Variants in RALGPS1 observed in about 807,000 individuals in gnomAD.
RALGPS1 encodes Ral GEF with PH domain and SH3 binding motif 1.
A neutral mutation model predicts 78.8 loss-of-function variants in RALGPS1; 19 were observed. The observed-to-expected ratio is 0.24, with a 90% CI of 0.17 to 0.35. RALGPS1 has a LOEUF of 0.35. Ranked by LOEUF, RALGPS1 falls within the 10% of genes least tolerant of loss-of-function variation. The probability of loss-of-function intolerance (pLI) is 1.00; values close to 1 mark genes in which losing one functional copy is unlikely to be tolerated. For synonymous variants in RALGPS1, 228 were observed against 256.3 expected (o/e 0.89, Z 1.06); for missense variants, 454 against 688.3 (o/e 0.66, Z 3.81).
At chr9:127,023,358 G>T (rs150583079) in intron 4 of RALGPS1, among the ~76,000 whole-genome samples, 2 of 152,332 alleles carry the variant, frequency 1.3e-5, no homozygotes, top group African/African-American at 4.8e-5. Context: ...AACCTTTCCA[G>T]CACAGTCCTG....
chr9:127,189,412 C>T (rs2060896803), intron 11 of RALGPS1, among the ~76,000 whole-genome samples: 1 of 152,170 alleles, frequency 6.6e-6, no homozygotes, highest in Non-Finnish European at 1.5e-5. Context: ...AGGTGCTGGG[C>T]AGGTGATCCC....
At chr9:127,168,923 A>G in intron 10 of RALGPS1, 151 bp downstream of exon 10, 1 of 634,290 alleles carries the variant, frequency 1.6e-6, no homozygotes, top group Non-Finnish European at 2.8e-6. Context: ...CCCAGGCCCC[A>G]GCACACACAA....
At chr9:127,104,817 A>G (rs187561046) in intron 8 of RALGPS1, among the ~76,000 whole-genome samples, 1 of 152,352 alleles carries the variant, frequency 6.6e-6, no homozygotes, top group East Asian at 1.9e-4. Flanking sequence ...GCTCGGATGC[A>G]AAGGTGTTTA....
At chr9:127,015,194 C>T (rs2044705278) in intron 4 of RALGPS1, among the ~76,000 whole-genome samples, 1 of 152,180 alleles carries the variant, frequency 6.6e-6, no homozygotes, top group Non-Finnish European at 1.5e-5. Flanking sequence ...AGGCTGACAG[C>T]ACTGTGGTTA....
intron 7 of RALGPS1, among the ~76,000 whole-genome samples, chr9:127,061,917 C>T (rs952192969): frequency 2.6e-5 from 4 of 152,122 alleles, no homozygotes; most frequent in African/African-American, 4.8e-5. Flanking sequence ...TCCCAGCTCT[C>T]TACTCTTGGG....
At chr9:127,168,465 G>C (rs2059401086) in intron 9 of RALGPS1, among the ~76,000 whole-genome samples, 1 of 152,158 alleles carries the variant, frequency 6.6e-6, no homozygotes, top group African/African-American at 2.4e-5. Flanking sequence ...CGGTCATCTG[G>C]GGGGTACTCC....
chr9:127,031,760 T>C (rs1218649410), intron 4 of RALGPS1, among the ~76,000 whole-genome samples: 1 of 152,276 alleles, frequency 6.6e-6, no homozygotes, highest in Non-Finnish European at 1.5e-5. Flanking sequence ...TGTTTTACTC[T>C]GCTGATGTGT....
chr9:127,048,753 C>T (rs907845411), intron 5 of RALGPS1, among the ~76,000 whole-genome samples: 2 of 152,058 alleles, frequency 1.3e-5, no homozygotes, highest in African/African-American at 2.4e-5. Context: ...TATGGGCATC[C>T]CATTTGGTAT....
intron 8 of RALGPS1, among the ~76,000 whole-genome samples, chr9:127,104,010 G>A (rs2053988183): frequency 6.6e-6 from 1 of 152,152 alleles, no homozygotes; most frequent in South Asian, 2.1e-4. Flanking sequence ...ATCCTGCAAG[G>A]TACAAGTCCC....
intron 8 of RALGPS1, among the ~76,000 whole-genome samples, chr9:127,081,260 C>G (rs190795949): frequency 2.6e-5 from 4 of 152,296 alleles, no homozygotes; most frequent in Admixed American, 2.0e-4. Context: ...TCTCTGCCCA[C>G]CAATTCTCTT....
chr9:127,153,596 G>T (rs1014453089), intron 8 of RALGPS1, among the ~76,000 whole-genome samples: 2 of 152,026 alleles, frequency 1.3e-5, no homozygotes, highest in Non-Finnish European at 2.9e-5. Context: ...GCACATCACT[G>T]AGTGAGCTGG....
chr9:127,005,306 A>G (rs774460437), intron 4 of RALGPS1, among the ~76,000 whole-genome samples: 5 of 152,270 alleles, frequency 3.3e-5, no homozygotes, highest in Non-Finnish European at 7.3e-5. Flanking sequence ...TTCAGTCTTC[A>G]GAATGGCAAA....
intron 5 of RALGPS1, among the ~76,000 whole-genome samples, chr9:127,049,657 C>T (rs904627984): frequency 1.3e-5 from 2 of 152,142 alleles, no homozygotes; most frequent in Admixed American, 6.5e-5. Flanking sequence ...TCCATCTGTC[C>T]CTCCATCCAC....
intron 7 of RALGPS1, among the ~76,000 whole-genome samples, chr9:127,066,550 A>T (rs2049724065): frequency 6.6e-6 from 1 of 152,220 alleles, no homozygotes; most frequent in Non-Finnish European, 1.5e-5. Flanking sequence ...CTGAGACACG[A>T]TAATTGCTTG....
intron 2 of RALGPS1, among the ~76,000 whole-genome samples, chr9:126,962,842 A>G (rs1190684643): frequency 6.6e-6 from 1 of 152,224 alleles, no homozygotes; most frequent in Admixed American, 6.5e-5. Flanking sequence ...GCACAGAAGC[A>G]TGCAGGAGGA....
At chr9:127,020,719 C>G (rs1208934111) in intron 4 of RALGPS1, among the ~76,000 whole-genome samples, 1 of 152,180 alleles carries the variant, frequency 6.6e-6, no homozygotes, top group East Asian at 1.9e-4. Flanking sequence ...CATGTGTGTG[C>G]CCCTGCACCT....
In RALGPS1 at chr9:127,212,119, GTC is replaced by G; in HGVS notation, c.1248-7_1248-6del. 6.2e-7 allele frequency: 1 copy of G among 1,604,128 alleles called. No homozygotes were observed. Among genetic ancestry groups the G allele is most frequent in the Non-Finnish European group, 8.5e-7 (1 of 1,175,222 alleles). Reference sequence around the variant, plus strand: ...CCTCCAGGGCGATGTCTGACTGGTAGTCTCTCCTCAGCCCCACCGGCCCGTGC... The same window carrying G: ...CCTCCAGGGCGATGTCTGACTGGTAGTCTCCTCAGCCCCACCGGCCCGTGC... On this transcript the variant is annotated splice_polypyrimidine_tract_variant and intron_variant, in intron 14 of 18. Coordinates refer to ENST00000259351, the MANE Select transcript of RALGPS1 (RefSeq NM_014636.3). This position sits in a 1 kb window ranked among gnomAD's most constrained non-coding sequence, Gnocchi z 6.0.
At chr9:127,029,476 T>C (rs552101418) in intron 4 of RALGPS1, among the ~76,000 whole-genome samples, 1 of 150,414 alleles carries the variant, frequency 6.6e-6, no homozygotes, top group East Asian at 2.0e-4. Context: ...ATGGGAAGAG[T>C]GGGAGAAACA....
chr9:127,008,020 AGGAATGT>A (rs2044002262), intron 4 of RALGPS1, among the ~76,000 whole-genome samples: 1 of 152,024 alleles, frequency 6.6e-6, no homozygotes, highest in Non-Finnish European at 1.5e-5. Context: ...ACATAGATGC[AGGAATGT>A]CTAGGTGCTG....
Sources: allele counts gnomAD v4.1 joint callset (sites outside exome capture counted in the v4.1 genomes callset), GRCh38; gene constraint gnomAD v4.1.1; non-coding constraint Gnocchi (gnomAD v3.1); transcripts MANE v1.5; gene names NCBI Gene and HGNC (gene_info 2026-07-23, HGNC 2026-07-21).